The following ZNF10 variants were observed in gnomAD, a reference collection of about 807,000 sequenced individuals.
The protein encoded by ZNF10 is zinc finger protein 10.
ZNF10 carries 8 observed loss-of-function variants against 12.2 expected under a neutral mutation model. That is an observed-to-expected ratio of 0.66 (90% CI 0.39 to 1.18). The LOEUF is 1.18. Among genes scored for constraint, ZNF10 ranks in the 50% most tolerant of loss-of-function variants. The pLI, the probability that ZNF10 is intolerant of heterozygous loss-of-function variation, is 0.01. For synonymous variants in ZNF10, 229 were observed against 228.2 expected (o/e 1.00, Z -0.03); for missense variants, 603 against 678.9 (o/e 0.89, Z 1.24).
At chr12:133,146,124 C>T (rs1363159973) in intron 2 of ZNF10, among the ~76,000 whole-genome samples, 3 of 152,126 alleles carry the variant, frequency 2.0e-5, no homozygotes, top group South Asian at 2.1e-4. Context: ...TTCAGTAATA[C>T]GAGAATGAGG....
chr12:133,146,524 T>G (rs1179976867), intron 2 of ZNF10, among the ~76,000 whole-genome samples: 1 of 152,154 alleles, frequency 6.6e-6, no homozygotes, highest in Admixed American at 6.5e-5. Context: ...GACAGATGCA[T>G]ATAGTTGTGT....
intron 1 of ZNF10, among the ~76,000 whole-genome samples, chr12:133,132,064 C>T (rs1471212548): frequency 6.6e-6 from 1 of 152,042 alleles, no homozygotes; most frequent in Non-Finnish European, 1.5e-5. Flanking sequence ...AGATTGATTG[C>T]CGTCCTCAAC....
chr12:133,156,006 G>C lies in ZNF10; in HGVS notation c.760G>C (p.Gly254Arg), dbSNP rs1429494898. ...CTCTCTTACTCATGGTTCATCTCTT[G>C]GTATATCAAAGGGCATACATAGAGA... is the stretch of plus-strand genomic sequence containing the variant. ...DNSLTHGSSL[G>R]ISKGIHREKP... Residue 254 changes from glycine (G) to arginine (R), a missense_variant, in exon 5 of 5, where the codon GGT becomes CGT. Coordinates refer to ENST00000248211, the MANE Select transcript of ZNF10 (RefSeq NM_015394.5). 3 of 1,613,674 alleles carry C rather than the reference G, an allele frequency of 1.9e-6. No individual in the cohort carries two copies. Among genetic ancestry groups the C allele is most frequent in the Middle Eastern group, 1.6e-4 (1 of 6,066 alleles).
At chr12:133,134,466 G>A (rs1955899782) in intron 1 of ZNF10, among the ~76,000 whole-genome samples, 1 of 151,974 alleles carries the variant, frequency 6.6e-6, no homozygotes, top group African/African-American at 2.4e-5. Context: ...CTGGACGGGG[G>A]CAAGGAAATA....
At chr12:133,144,752 A>G (rs1449590856) in intron 2 of ZNF10, among the ~76,000 whole-genome samples, 1 of 152,246 alleles carries the variant, frequency 6.6e-6, no homozygotes, top group Non-Finnish European at 1.5e-5. Flanking sequence ...AAATAGTAGA[A>G]TAGTAGTGGA....
intron 2 of ZNF10, among the ~76,000 whole-genome samples, chr12:133,146,125 G>A (rs1325728276): frequency 1.3e-5 from 2 of 152,200 alleles, no homozygotes; most frequent in East Asian, 1.9e-4. Context: ...TCAGTAATAC[G>A]AGAATGAGGT....
At position 133,156,301 on chromosome 12, in the gene ZNF10, A is replaced by G; in HGVS notation, c.1055A>G (p.Asn352Ser). Residue 352 changes from asparagine (N) to serine (S), a missense_variant, in exon 5 of 5, where the codon AAT becomes AGT. This residue lies in a region of ZNF10 where 204 missense variants were observed against 262.8 expected (regional missense o/e 0.78). Transcript: ENST00000248211. ...THTGDKLYTC[N>S]QCGKSFVHSS... The stretch of plus-strand genomic sequence containing the variant: ...ACAGGAGACAAACTGTACACATGTA[A>G]TCAGTGTGGGAAATCTTTTGTTCAT... 1 of 1,614,162 alleles carries G rather than the reference A, an allele frequency of 6.2e-7. No homozygotes were observed. The highest frequency in any genetic ancestry group is 8.5e-7 in the Non-Finnish European group (1 of 1,180,024).
intron 1 of ZNF10, among the ~76,000 whole-genome samples, chr12:133,142,342 G>A (rs1427085443): frequency 1.3e-5 from 2 of 151,162 alleles, no homozygotes; most frequent in Admixed American, 1.3e-4. Flanking sequence ...CCTGGGAGGT[G>A]GAGGTTGCAG....
chr12:133,144,497 A>G lies in ZNF10; in HGVS notation c.5A>G (p.Asp2Gly). 6.2e-7 allele frequency: 1 copy of G among 1,614,056 alleles called. No individual in the cohort carries two copies. Residue 2 changes from aspartate (D) to glycine (G), a missense_variant, in exon 2 of 5, where the codon GAT becomes GGT. By Grantham distance (94) the Asp-to-Gly change is moderately conservative. Around this residue, in one of 3 missense-constraint regions of ZNF10, gnomAD observed 393 missense variants for 399.7 expected, o/e 0.98. Transcript: ENST00000248211. ...ATCATCAAGAACAAGGAGGGCATGG[A>G]TGCTAAGTCACTAACTGCCTGGTCC... M[D>G]AKSLTAWSRT... is the part of the protein sequence containing the mutation.
chr12:133,152,477 C>T (rs941823300), intron 4 of ZNF10, among the ~76,000 whole-genome samples: 10 of 152,080 alleles, frequency 6.6e-5, no homozygotes, highest in African/African-American at 1.4e-4. Flanking sequence ...TGTAGTGGCG[C>T]GATCTAGGCT....
In ZNF10 at chr12:133,155,781, C is replaced by G. The variant is rs1016606005; in HGVS notation, c.535C>G (p.Leu179Val). Residue 179 changes from leucine to valine, a missense_variant, in exon 5 of 5, where the codon CTA (leucine) becomes GTA (valine). Around this residue, in one of 3 missense-constraint regions of ZNF10, gnomAD observed 393 missense variants for 399.7 expected, o/e 0.98. Coordinates refer to ENST00000248211, the MANE Select transcript of ZNF10 (RefSeq NM_015394.5). ...YGGNCLLPAQ[L>V]VLREYFHKRD... ...GGGAAACTGTCTTCTTCCTGCTCAG[C>G]TAGTACTGAGAGAGTATTTCCATAA... 2 of 1,613,632 alleles carry G rather than the reference C, an allele frequency of 1.2e-6. No individual in the cohort carries two copies. Among genetic ancestry groups the G allele is most frequent in the Non-Finnish European group, 1.7e-6 (2 of 1,179,870 alleles).
At position 133,157,606 on chromosome 12, in the gene ZNF10, G is replaced by A. The variant is rs1308755699; in HGVS notation, c.*638G>A. 6.6e-6 allele frequency: 1 copy of A among 152,192 alleles called. No homozygotes were observed. The highest frequency in any genetic ancestry group is 1.5e-5 in the Non-Finnish European group (1 of 68,032). 9.4% of individuals were successfully genotyped at this position (152,192 alleles called of 1,614,324 possible). Reference sequence around the variant, plus strand: ...AGTATACAGATAATTGAACAGAATTGATTTGTTAGATAAGGAGATTTTGAC... The same window carrying A: ...AGTATACAGATAATTGAACAGAATTAATTTGTTAGATAAGGAGATTTTGAC... On this transcript the variant is annotated 3_prime_UTR_variant, in exon 5 of 5. Coordinates refer to ENST00000248211, the MANE Select transcript of ZNF10 (RefSeq NM_015394.5).
chr12:133,141,963 G>T (rs80353121), intron 1 of ZNF10, among the ~76,000 whole-genome samples: 8,080 of 151,998 alleles, frequency 0.053, 719 homozygotes, highest in African/African-American at 0.18. Flanking sequence ...TATATACAGA[G>T]GAATAAGGGA....
chr12:133,137,047 T>C (rs1333851899), intron 1 of ZNF10, among the ~76,000 whole-genome samples: 1 of 152,154 alleles, frequency 6.6e-6, no homozygotes, highest in Non-Finnish European at 1.5e-5. Context: ...CTCCATTTAG[T>C]CACACAGAAG....
intron 1 of ZNF10, among the ~76,000 whole-genome samples, chr12:133,141,271 T>C (rs1490679071): frequency 6.6e-6 from 1 of 152,190 alleles, no homozygotes; most frequent in Non-Finnish European, 1.5e-5. Context: ...AGGAAATTTA[T>C]AGTACTATAA....
intron 4 of ZNF10, among the ~76,000 whole-genome samples, chr12:133,152,471 G>C (rs920332171): frequency 2.6e-5 from 4 of 152,106 alleles, no homozygotes; most frequent in Admixed American, 2.6e-4. Context: ...CTGGAGTGTA[G>C]TGGCGCGATC....
At chr12:133,136,537 G>A (rs1458290390) in intron 1 of ZNF10, among the ~76,000 whole-genome samples, 4 of 151,944 alleles carry the variant, frequency 2.6e-5, no homozygotes, top group South Asian at 2.1e-4. Context: ...CTTCCTAAAC[G>A]TTGATTTTTC....
chr12:133,143,830 C>G (rs1248331213), intron 1 of ZNF10: 3 of 149,276 alleles, frequency 2.0e-5, no homozygotes, highest in African/African-American at 5.0e-5. Flanking sequence ...AGGGTGTCAC[C>G]TGGACTGAGT....
chr12:133,131,531 C>T lies in ZNF10; in HGVS notation c.-60+777C>T, dbSNP rs12296134. 7.1e-3 allele frequency among the ~76,000 whole-genome samples: 1,072 copies of T among 151,912 alleles called. 11 individuals are homozygous for T. Among genetic ancestry groups the T allele is most frequent in the African/African-American group, 0.024 (1,008 of 41,440 alleles). On this transcript the variant is annotated intron_variant, in intron 1 of 4. Coordinates refer to ENST00000248211, the MANE Select transcript of ZNF10 (RefSeq NM_015394.5). ...GCAGGATGTCACCCAGAATGCCAGC[C>T]AACAAGTGTTATTAGGTTAGAAATG...
Sources: gnomAD v4.1 joint callset for allele counts (sites outside exome capture counted in the v4.1 genomes callset) on GRCh38, gnomAD v4.1.1 for gene constraint, gnomAD v4.1.1 regional missense constraint, MANE v1.5 for transcripts, NCBI Gene and HGNC (gene_info 2026-07-23, HGNC 2026-07-21) for gene names.